Variants in NHSL1 observed in about 807,000 individuals in gnomAD.
NHSL1 encodes the protein NHS-like protein 1.
NHSL1 carries 48 observed loss-of-function variants against 95.0 expected under a neutral mutation model. The observed-to-expected ratio is 0.51, with a 90% CI of 0.40 to 0.64. NHSL1 has a LOEUF of 0.64. Among genes scored for constraint, NHSL1 ranks in the 30% least tolerant of loss-of-function variants. The probability of loss-of-function intolerance (pLI) is 0.00; values close to 1 mark genes in which losing one functional copy is unlikely to be tolerated. For synonymous variants in NHSL1, 783 were observed against 833.9 expected (o/e 0.94, Z 1.05); for missense variants, 1,971 against 2,077.7 (o/e 0.95, Z 1.00).
chr6:138,591,818 G>A (rs9321666), intron 1 of NHSL1, among the ~76,000 whole-genome samples: 10,185 of 152,166 alleles, frequency 0.067, 1,087 homozygotes, highest in African/African-American at 0.23. Context: ...GCACGTGCAC[G>A]TGGATCATCC....
At chr6:138,504,172 T>C (rs1378746375), upstream of NHSL1, among the ~76,000 whole-genome samples, 1 of 151,824 alleles carries the variant, frequency 6.6e-6, no homozygotes, top group African/African-American at 2.4e-5. Flanking sequence ...AAGTTTGAGG[T>C]TGCAGTGAGC....
chr6:138,617,979 A>G (rs757829601), intron 1 of NHSL1, among the ~76,000 whole-genome samples: 4 of 152,270 alleles, frequency 2.6e-5, no homozygotes, highest in African/African-American at 9.6e-5. Context: ...GTGGAGATGC[A>G]GAGGGACAGC....
intron 1 of NHSL1, among the ~76,000 whole-genome samples, chr6:138,533,949 A>G (rs1009942777): frequency 1.3e-5 from 2 of 152,228 alleles, no homozygotes; most frequent in Non-Finnish European, 2.9e-5. Flanking sequence ...AAATTTCTAG[A>G]AACACATTAA....
In NHSL1 at chr6:138,430,925, C is replaced by G; in HGVS notation, c.3420G>C (p.Thr1140=). Residue 1140 remains threonine, a synonymous_variant, in exon 6 of 8, where the codon ACG becomes ACC. Transcript: ENST00000343505. This position sits in a 1 kb window ranked among gnomAD's most constrained non-coding sequence, Gnocchi z 4.7. ...QPASVTSSLP[T]PAKSSSQGDH... ...CACCCTGACTCGAGCTCTTGGCAGG[C>G]GTCGGAAGCGAGCTTGTCACAGAGG... The G allele has an allele frequency of 6.4e-7, 1 of 1,551,466 alleles. No homozygotes were observed. The highest frequency in any genetic ancestry group is 8.7e-7 in the Non-Finnish European group (1 of 1,146,840).
At chr6:138,673,677 T>C (rs771091663) in intron 1 of NHSL1, among the ~76,000 whole-genome samples, 1 of 152,214 alleles carries the variant, frequency 6.6e-6, no homozygotes, top group Non-Finnish European at 1.5e-5. Flanking sequence ...AGAAACTCCT[T>C]CTGGAACATA....
At position 138,432,453 on chromosome 6, in the gene NHSL1, T is replaced by G; in HGVS notation, c.1892A>C (p.Asn631Thr). 2 of 1,552,336 alleles carry G rather than the reference T, an allele frequency of 1.3e-6. No individual in the cohort carries two copies. The highest frequency in any genetic ancestry group is 1.7e-6 in the Non-Finnish European group (2 of 1,147,132). Residue 631 changes from asparagine to threonine, a missense_variant, in exon 6 of 8, where the codon AAC becomes ACC. Coordinates refer to ENST00000343505, the MANE Select transcript of NHSL1 (RefSeq NM_001144060.2). This position sits in a 1 kb window ranked among gnomAD's most constrained non-coding sequence, Gnocchi z 4.4. ...NLCNSSDGFG[N>T]PRHSVINVFV... ...AACATTGATCACGCTGTGCCTGGGG[T>G]TCCCAAAGCCATCACTGCTATTGCA... is the stretch of plus-strand genomic sequence containing the variant.
upstream of NHSL1, among the ~76,000 whole-genome samples, chr6:138,549,284 G>A (rs1488873847): frequency 6.6e-6 from 1 of 152,216 alleles, no homozygotes; most frequent in Non-Finnish European, 1.5e-5. Flanking sequence ...ATGGGAGGCT[G>A]AGGCAGGAGA....
chr6:138,447,030 T>G lies in NHSL1; in HGVS notation c.503A>C (p.Gln168Pro), dbSNP rs536555541. The change falls in exon 4 of 8, where the codon CAG (glutamine) becomes CCG (proline). Residue 168 changes from glutamine (Q) to proline (P), a missense_variant. Transcript: ENST00000343505. The part of the protein sequence containing the change: ...EKMRQQAQTV[Q>P]ADVVPINITG... ...TATGTTAATAGGCACCACGTCAGCC[T>G]GGACTGTTTGGGCTTGCTGTCGCAT... 8.4e-5 allele frequency: 130 copies of G among 1,551,756 alleles called. No homozygotes were observed. The highest frequency in any genetic ancestry group is 1.7e-4 in the Middle Eastern group (1 of 5,992).
intron 1 of NHSL1, among the ~76,000 whole-genome samples, chr6:138,590,010 T>A (rs954314184): frequency 1.3e-5 from 2 of 152,158 alleles, no homozygotes; most frequent in Non-Finnish European, 2.9e-5. Context: ...TATTTTATTT[T>A]ACTTTGAGAC....
chr6:138,627,597 T>C (rs1470398841), intron 1 of NHSL1, among the ~76,000 whole-genome samples: 1 of 152,206 alleles, frequency 6.6e-6, no homozygotes, highest in African/African-American at 2.4e-5. Flanking sequence ...AAGAAATTCA[T>C]TTATGGCCAG....
intron 1 of NHSL1, among the ~76,000 whole-genome samples, chr6:138,670,370 T>TTAAAA (rs1248424219): frequency 3.2e-5 from 4 of 125,396 alleles, no homozygotes; most frequent in African/African-American, 1.2e-4. Context: ...CCGTTGAAGG[T>TTAAAA]AAAAAAAAAA....
intron 1 of NHSL1, among the ~76,000 whole-genome samples, chr6:138,657,694 G>A (rs1349347382): frequency 1.3e-5 from 2 of 151,264 alleles, no homozygotes; most frequent in Non-Finnish European, 2.9e-5. Flanking sequence ...GGGCGCCTGT[G>A]GTCCCAGCTA....
chr6:138,633,177 T>C (rs930774046), intron 1 of NHSL1, among the ~76,000 whole-genome samples: 6 of 152,054 alleles, frequency 3.9e-5, no homozygotes, highest in Admixed American at 1.3e-4. Flanking sequence ...TAAAGAACAA[T>C]GAAGCATGCC....
At chr6:138,605,634 A>G (rs1442043490) in intron 1 of NHSL1, among the ~76,000 whole-genome samples, 2 of 152,258 alleles carry the variant, frequency 1.3e-5, no homozygotes, top group Admixed American at 6.5e-5. Context: ...GCTATTTCTA[A>G]GACATCAGGC....
At chr6:138,461,009 T>C (rs1486494170) in intron 3 of NHSL1, among the ~76,000 whole-genome samples, 1 of 151,968 alleles carries the variant, frequency 6.6e-6, no homozygotes, top group Non-Finnish European at 1.5e-5. Flanking sequence ...CAAAGGTGTT[T>C]CAAAAATTGG....
chr6:138,552,027 G>A (rs1451160881), intron 1 of NHSL1, among the ~76,000 whole-genome samples: 1 of 152,166 alleles, frequency 6.6e-6, no homozygotes, highest in African/African-American at 2.4e-5. Flanking sequence ...ATGCTTCATG[G>A]AGGCTCTTCA....
At chr6:138,538,576 T>C (rs1332948114) in intron 1 of NHSL1, among the ~76,000 whole-genome samples, 2 of 152,168 alleles carry the variant, frequency 1.3e-5, no homozygotes, top group Non-Finnish European at 2.9e-5. Flanking sequence ...CTGCTCCCAA[T>C]GTTCGCGCCC....
intron 1 of NHSL1, among the ~76,000 whole-genome samples, chr6:138,591,592 T>C (rs986048927): frequency 6.6e-5 from 10 of 151,942 alleles, no homozygotes; most frequent in African/African-American, 1.9e-4. Flanking sequence ...GATTTTTTTG[T>C]TGTTGTTGTT....
chr6:138,681,167 G>C lies in NHSL1; in HGVS notation c.96+11309C>G, dbSNP rs1393891309. Among the ~76,000 whole-genome samples, 3 of 152,072 alleles carry C rather than the reference G, an allele frequency of 2.0e-5. No individual in the cohort carries two copies. In the South Asian group the frequency reaches 6.2e-4, roughly 32 times the overall value. The stretch of plus-strand genomic sequence containing the variant: ...ACTTTGGATTATATATATGAATGAA[G>C]AAGAGCAACAGGATAACCCAGAAAT... On this transcript the variant is annotated intron_variant, in intron 1 of 3. Coordinates refer to the NHSL1 transcript ENST00000491526.
Sources: gnomAD v4.1 joint callset for allele counts (sites outside exome capture counted in the v4.1 genomes callset) on GRCh38, gnomAD v4.1.1 for gene constraint, Gnocchi (gnomAD v3.1) non-coding constraint, MANE v1.5 for transcripts, NCBI Gene and HGNC (gene_info 2026-07-23, HGNC 2026-07-21) for gene names.